Variants in LRP5 observed in about 807,000 individuals in gnomAD.
LRP5 encodes LDL receptor related protein 5.
LRP5 carries 62 observed loss-of-function variants against 154.1 expected under a neutral mutation model. That is an observed-to-expected ratio of 0.40 (90% CI 0.33 to 0.50). The LOEUF is 0.50. Among genes scored for constraint, LRP5 ranks in the 20% least tolerant of loss-of-function variants. The pLI is 0.55. For missense variants in LRP5, 1,915 were observed against 2,336.7 expected (o/e 0.82, Z 3.72); for synonymous variants, 966 against 1,011.5 (o/e 0.96, Z 0.85).
intron 5 of LRP5, among the ~76,000 whole-genome samples, chr11:68,377,706 G>A (rs1293833330): frequency 2.6e-5 from 4 of 152,176 alleles, no homozygotes; most frequent in Non-Finnish European, 5.9e-5. Flanking sequence ...CCGTGACCCC[G>A]TTCATCCTGC....
In LRP5 at chr11:68,353,893, G is replaced by A. The variant is rs1284711677; in HGVS notation, c.489-3757G>A. 2.0e-5 allele frequency among the ~76,000 whole-genome samples: 3 copies of A among 152,170 alleles called. No homozygotes were observed. The highest frequency in any genetic ancestry group is 6.5e-5 in the Admixed American group (1 of 15,284). On this transcript the variant is annotated intron_variant, in intron 2 of 22. Coordinates refer to ENST00000294304, the MANE Select transcript of LRP5 (RefSeq NM_002335.4). The surrounding 1 kb of genome is among the most constrained non-coding windows in gnomAD (Gnocchi z 4.5). ...TTCAGCAATGCAGGTGGCCCCGTGC[G>A]GACATCCAGGCAGGGTTGAGGGAAG...
chr11:68,302,117 G>A, the LRP5 span, among the ~76,000 whole-genome samples: 1 of 151,274 alleles, frequency 6.6e-6, no homozygotes, highest in African/African-American at 2.4e-5. Flanking sequence ...AGCACTTTGG[G>A]AGGCCAAGGC....
chr11:68,436,244 C>A (rs1340788487), intron 18 of LRP5, among the ~76,000 whole-genome samples: 1 of 152,200 alleles, frequency 6.6e-6, no homozygotes, highest in Non-Finnish European at 1.5e-5. Context: ...ATCTCCCATT[C>A]CCAGGGCAGG....
At position 68,438,372 on chromosome 11, in the gene LRP5, C is replaced by T. The variant is rs533372804; in HGVS notation, c.4112-74C>T. The T allele has an allele frequency of 1.1e-4, 148 of 1,367,068 alleles. No individual in the cohort carries two copies. In the African/African-American group the frequency reaches 1.6e-3, roughly 15 times the overall value. The allele number at this position is 1,367,068 out of a possible 1,614,324, so 84.7% of individuals were successfully genotyped here. On this transcript the variant is annotated intron_variant, in intron 19 of 22. Transcript: ENST00000294304. ...GCAAAGCCAGCCCCTTCAGGGCGCA[C>T]GGTGTCTGCCCCCAAGGAGGGCCCA...
rs545257685 is a variant in LRP5 at position 68,411,309 on chromosome 11, G to A, written c.2319-127G>A. ...GGTCTCGCCCTTCCCTGCTTCCTGC[G>A]CGTGGCTTTCTCCAGGACGGGGAGG... On this transcript the variant is annotated intron_variant, in intron 10 of 22. Transcript: ENST00000294304. 118 of 947,438 alleles carry A rather than the reference G, an allele frequency of 1.2e-4. 1 individual carries two copies. Among genetic ancestry groups the A allele is most frequent in the South Asian group, 7.5e-4 (49 of 65,238 alleles). 58.7% of individuals were successfully genotyped at this position (947,438 alleles called of 1,614,324 possible). A position where few individuals can be genotyped will look rare whatever the true frequency, so the allele number is the denominator to read the frequency against.
chr11:68,405,665 A>G (rs949270617), intron 8 of LRP5, among the ~76,000 whole-genome samples: 7 of 152,202 alleles, frequency 4.6e-5, no homozygotes, highest in African/African-American at 9.7e-5. Context: ...AGGAGATGGG[A>G]AAAAGGATTC....
intron 5 of LRP5, among the ~76,000 whole-genome samples, chr11:68,381,591 G>A (rs776349396): frequency 4.6e-5 from 7 of 152,304 alleles, no homozygotes; most frequent in East Asian, 1.9e-4. Context: ...TCAGCAGCCC[G>A]CCTGGAGGAG....
At chr11:68,385,840 C>T (rs552987191) in intron 5 of LRP5, among the ~76,000 whole-genome samples, 7 of 152,046 alleles carry the variant, frequency 4.6e-5, no homozygotes, top group African/African-American at 1.4e-4. Flanking sequence ...GAAGTGGCGT[C>T]GAGCTGGGCA....
chr11:68,369,084 T>C (rs568074929), intron 5 of LRP5, among the ~76,000 whole-genome samples: 2 of 152,336 alleles, frequency 1.3e-5, no homozygotes, highest in East Asian at 3.9e-4. Flanking sequence ...GTGATCCACC[T>C]ACCTCAGCCT....
At chr11:68,351,562 C>T (rs372635372) in intron 2 of LRP5, among the ~76,000 whole-genome samples, 1 of 152,136 alleles carries the variant, frequency 6.6e-6, no homozygotes, top group East Asian at 1.9e-4. Flanking sequence ...GCCATCGTGT[C>T]GCCAGGACCT....
In LRP5 at chr11:68,386,068, T is replaced by C. The variant is rs2098642818; in HGVS notation, c.1016-248T>C. ...GTGGCTCTCAGCTGCGTGCATAACC[T>C]CTCAGTGCTTCAGTTCTCTCATTTG... On this transcript the variant is annotated intron_variant, in intron 5 of 22. Transcript: ENST00000294304. This position sits in a 1 kb window ranked among gnomAD's most constrained non-coding sequence, Gnocchi z 7.9. Among the ~76,000 whole-genome samples the C allele has an allele frequency of 6.6e-6, 1 of 152,056 alleles. No homozygotes were observed. The highest frequency in any genetic ancestry group is 2.4e-5 in the African/African-American group (1 of 41,394).
chr11:68,339,386 C>T (rs745986883), intron 1 of LRP5, among the ~76,000 whole-genome samples: 27 of 151,974 alleles, frequency 1.8e-4, no homozygotes, highest in African/African-American at 3.1e-4. Context: ...TTTGGTCTGT[C>T]GCCCAGGCTG....
chr11:68,425,039 G>A, intron 14 of LRP5, 63 bp from the exon 15 acceptor site: 3 of 1,506,138 alleles, frequency 2.0e-6, no homozygotes, highest in South Asian at 1.1e-5. Context: ...GGTGCCCTGG[G>A]CTCCGTGCTG....
At position 68,365,683 on chromosome 11, in the gene LRP5, C is replaced by T. The variant is rs956302502; in HGVS notation, c.996C>T (p.Asn332=). Residue 332 remains asparagine, a synonymous_variant, in exon 5 of 23, where the codon AAC becomes AAT. Transcript: ENST00000294304. ...CCACGGGTGTGCAGCTGCAGGACAA[C>T]GGCAGGACGTGTAAGGCAGGTGAGG... is the stretch of plus-strand genomic sequence containing the variant. ...ACPTGVQLQD[N]GRTCKAGAEE... is the part of the protein sequence containing the mutation. 5.9e-5 allele frequency: 80 copies of T among 1,360,276 alleles called. No homozygotes were observed. Among genetic ancestry groups the T allele is most frequent in the African/African-American group, 1.3e-4 (8 of 60,544 alleles). 84.3% of individuals were successfully genotyped at this position (1,360,276 alleles called of 1,614,324 possible).
At chr11:68,397,375 T>C (rs1310894881) in intron 7 of LRP5, among the ~76,000 whole-genome samples, 1 of 152,028 alleles carries the variant, frequency 6.6e-6, no homozygotes, top group Non-Finnish European at 1.5e-5. Context: ...GTGCCACTCT[T>C]CCCACCCGCT....
intron 2 of LRP5, among the ~76,000 whole-genome samples, chr11:68,351,901 G>T (rs896353232): frequency 6.6e-6 from 1 of 152,180 alleles, no homozygotes; most frequent in African/African-American, 2.4e-5. Flanking sequence ...GCTGTCTGGG[G>T]GCAGCGCGGT....
intron 2 of LRP5, among the ~76,000 whole-genome samples, chr11:68,355,540 T>G (rs1374556949): frequency 6.6e-6 from 1 of 152,042 alleles, no homozygotes; most frequent in Non-Finnish European, 1.5e-5. Context: ...GCTGGTGTGG[T>G]TCCCCTCTGG....
intron 1 of LRP5, among the ~76,000 whole-genome samples, chr11:68,315,004 T>TA (rs1463367446): frequency 2.0e-5 from 3 of 152,164 alleles, no homozygotes; most frequent in African/African-American, 7.2e-5. Context: ...AGGCATTTAG[T>TA]AGAACTCACA....
intron 1 of LRP5, among the ~76,000 whole-genome samples, chr11:68,339,589 G>A (rs2098607723): frequency 1.3e-5 from 2 of 151,838 alleles, no homozygotes; most frequent in South Asian, 2.1e-4. Context: ...CTCGTGATCC[G>A]CCCGCCTCAG....
Sources: allele counts gnomAD v4.1 joint callset (sites outside exome capture counted in the v4.1 genomes callset), GRCh38; gene constraint gnomAD v4.1.1; non-coding constraint Gnocchi (gnomAD v3.1); transcripts MANE v1.5; gene names NCBI Gene and HGNC (gene_info 2026-07-23, HGNC 2026-07-21).